Variants in NPRL3 observed in about 807,000 individuals in gnomAD.
NPRL3 encodes NPR3 like, GATOR1 complex subunit.
Under a neutral mutation model 57.2 loss-of-function variants are expected in NPRL3, and 23 were observed. The ratio of observed to expected loss-of-function variants is 0.40; its 90% CI spans 0.29 to 0.57. The LOEUF is 0.57. NPRL3 is among the 20% of genes least tolerant of loss of function. The probability of loss-of-function intolerance (pLI) is 0.42; values close to 1 mark genes in which losing one functional copy is unlikely to be tolerated. For missense variants in NPRL3, 691 were observed against 767.1 expected (o/e 0.90, Z 1.17); for synonymous variants, 333 against 321.1 (o/e 1.04, Z -0.39).
chr16:112,796 A>C (rs1899876116), intron 5 of NPRL3, 21 bp from the exon 6 acceptor site: 1 of 1,563,658 alleles, frequency 6.4e-7, no homozygotes, highest in South Asian at 1.2e-5. Context: ...GAGACCATAC[A>C]CAGACTCAAA....
intron 3 of NPRL3, among the ~76,000 whole-genome samples, chr16:120,574 T>C (rs1018054612): frequency 6.6e-5 from 10 of 152,300 alleles, no homozygotes; most frequent in African/African-American, 2.4e-4. Context: ...CCTCTAACCA[T>C]CCGAAGTCAC....
At chr16:137,748 GAGAC>G (rs994109535) in intron 2 of NPRL3, among the ~76,000 whole-genome samples, 1 of 151,624 alleles carries the variant, frequency 6.6e-6, no homozygotes, top group Non-Finnish European at 1.5e-5. Context: ...TTTTTCAGTA[GAGAC>G]AGAGTTTCAA....
intron 3 of NPRL3, among the ~76,000 whole-genome samples, chr16:128,682 G>A (rs933068339): frequency 6.6e-6 from 1 of 152,188 alleles, no homozygotes; most frequent in African/African-American, 2.4e-5. Context: ...GCAGGAGAAT[G>A]GTGTGAACCC....
chr16:90,675 G>C (rs2141904075), intron 11 of NPRL3: 1 of 152,422 alleles, frequency 6.6e-6, no homozygotes, highest in Non-Finnish European at 1.5e-5. Context: ...ATACACATCT[G>C]TCTACTCATC....
In NPRL3 at chr16:85,943, C is replaced by A; in HGVS notation, c.*762G>T. ...AGCTGGGGGCCTGAGTACGTAGCGC[C>A]AGGCCCGGTGTGGATGCTGGGGAGA... On this transcript the variant is annotated 3_prime_UTR_variant, in exon 14 of 14. Transcript: ENST00000611875. 1.2e-6 allele frequency: 1 copy of A among 815,040 alleles called. No individual in the cohort carries two copies. The highest frequency in any genetic ancestry group is 1.7e-6 in the Non-Finnish European group (1 of 586,596). The allele number at this position is 815,040 out of a possible 1,614,324, so 50.5% of individuals were successfully genotyped here. A position where few individuals can be genotyped will look rare whatever the true frequency, so the allele number is the denominator to read the frequency against.
chr16:97,410 AT>A (rs34410203), intron 9 of NPRL3, among the ~76,000 whole-genome samples: 10,129 of 115,004 alleles, frequency 0.088, 599 homozygotes, highest in African/African-American at 0.23. Flanking sequence ...ACACCCAGCT[AT>A]TTTTTTTTTT....
intron 5 of NPRL3, among the ~76,000 whole-genome samples, chr16:116,769 C>A (rs1241088176): frequency 7.0e-6 from 1 of 143,814 alleles, no homozygotes; most frequent in African/African-American, 2.6e-5. Context: ...TCAAGACCAG[C>A]ATGGCCAACA....
At chr16:95,304 CAAAAT>C (rs1218662843) in intron 9 of NPRL3, among the ~76,000 whole-genome samples, 35 of 136,818 alleles carry the variant, frequency 2.6e-4, no homozygotes, top group Admixed American at 2.2e-3. Context: ...TTTCATAATA[CAAAAT>C]AAAATGTTTG....
intron 7 of NPRL3, among the ~76,000 whole-genome samples, chr16:109,382 AC>A (rs1293144022): frequency 1.3e-5 from 2 of 151,686 alleles, no homozygotes; most frequent in East Asian, 4.0e-4. Flanking sequence ...GCAAACCCCA[AC>A]TCTCTCAGAC....
At chr16:97,517 C>A (rs1899070414) in intron 9 of NPRL3, among the ~76,000 whole-genome samples, 1 of 150,830 alleles carries the variant, frequency 6.6e-6, no homozygotes, top group African/African-American at 2.4e-5. Flanking sequence ...AGCCACCGTG[C>A]CCAGCCTTGC....
At chr16:97,024 G>A (rs1242672540) in intron 9 of NPRL3, among the ~76,000 whole-genome samples, 8 of 152,312 alleles carry the variant, frequency 5.3e-5, no homozygotes, top group Admixed American at 3.9e-4. Context: ...GGACCCAGGC[G>A]GGCCCACCTC....
At position 112,819 on chromosome 16, in the gene NPRL3, G is replaced by A. The variant is rs868576456; in HGVS notation, c.394-44C>T. On this transcript the variant is annotated intron_variant, in intron 5 of 13. Coordinates refer to ENST00000611875, the MANE Select transcript of NPRL3 (RefSeq NM_001077350.3). ...ACACAGACTCAAACGTGTGCACAGG[G>A]ACACAGCTGGACACAGTTTAAATGG... is the stretch of plus-strand genomic sequence containing the variant. 7 of 1,491,354 alleles carry A rather than the reference G, an allele frequency of 4.7e-6. 1 individual carries two copies. In the Middle Eastern group the frequency reaches 8.9e-4, roughly 190 times the overall value. The allele number at this position is 1,491,354 out of a possible 1,614,324, so 92.4% of individuals were successfully genotyped here. A position where few individuals can be genotyped will look rare whatever the true frequency, so the allele number is the denominator to read the frequency against.
At chr16:95,316 T>TG (rs1898940379) in intron 9 of NPRL3, among the ~76,000 whole-genome samples, 19 of 36,018 alleles carry the variant, frequency 5.3e-4, no homozygotes, top group Admixed American at 3.6e-3. Context: ...AAATAAAATG[T>TG]TTGTGTGTGT....
At chr16:100,182 C>T (rs1233169548) in intron 8 of NPRL3, among the ~76,000 whole-genome samples, 190 bp downstream of exon 8, 1 of 151,962 alleles carries the variant, frequency 6.6e-6, no homozygotes, top group African/African-American at 2.4e-5. Context: ...TGGGATTGGT[C>T]ATTTCTGGAC....
At chr16:102,357 G>A (rs1899336009) in intron 7 of NPRL3, among the ~76,000 whole-genome samples, 2 of 152,156 alleles carry the variant, frequency 1.3e-5, no homozygotes, top group Admixed American at 1.3e-4. Context: ...ATCCCCGGAG[G>A]CTCCAGGCAA....
intron 3 of NPRL3, among the ~76,000 whole-genome samples, chr16:122,227 T>C (rs944927953): frequency 6.6e-6 from 1 of 151,934 alleles, no homozygotes; most frequent in Non-Finnish European, 1.5e-5. Flanking sequence ...CTCCCAAATA[T>C]CTGGGATTAC....
chr16:96,034 A>C (rs1898991042), intron 9 of NPRL3, among the ~76,000 whole-genome samples: 1 of 152,184 alleles, frequency 6.6e-6, no homozygotes, highest in African/African-American at 2.4e-5. Flanking sequence ...GACAGCAGGG[A>C]AGGGGTACAG....
chr16:133,493 G>C (rs1023340386), intron 2 of NPRL3, among the ~76,000 whole-genome samples: 2 of 151,808 alleles, frequency 1.3e-5, no homozygotes, highest in Non-Finnish European at 2.9e-5. Flanking sequence ...GCTTCCCAAA[G>C]TGCTAGGATT....
chr16:122,063 C>T (rs1267845294), intron 3 of NPRL3, among the ~76,000 whole-genome samples: 2 of 151,608 alleles, frequency 1.3e-5, no homozygotes, highest in East Asian at 3.9e-4. Flanking sequence ...GCGTGAGCCA[C>T]CACGCCCGGC....
Sources: gnomAD v4.1 joint callset for allele counts (sites outside exome capture counted in the v4.1 genomes callset) on GRCh38, gnomAD v4.1.1 for gene constraint, MANE v1.5 for transcripts, NCBI Gene and HGNC (gene_info 2026-07-23, HGNC 2026-07-21) for gene names.